The following OSBPL3 variants were observed in gnomAD, a reference collection of about 807,000 sequenced individuals.
OSBPL3 encodes oxysterol-binding protein-related protein 3.
Under a neutral mutation model 120.1 loss-of-function variants are expected in OSBPL3, and 65 were observed. The observed-to-expected ratio is 0.54, with a 90% CI of 0.44 to 0.67. OSBPL3 has a LOEUF of 0.67. Among genes scored for constraint, OSBPL3 ranks in the 30% least tolerant of loss-of-function variants. The pLI is 0.00. For synonymous variants in OSBPL3, 416 were observed against 402.6 expected (o/e 1.03, Z -0.40); for missense variants, 1,004 against 1,082.1 (o/e 0.93, Z 1.01).
rs1008789860 is a variant in OSBPL3, at chr7:24,916,855, G to A, written c.-149-24234C>T. On this transcript the variant is annotated intron_variant, in intron 1 of 22. Coordinates refer to ENST00000313367, the MANE Select transcript of OSBPL3 (RefSeq NM_015550.4). This position sits in a 1 kb window ranked among gnomAD's most constrained non-coding sequence, Gnocchi z 4.9. ...GCTGTGCTGCTGTTACACCACAATGGTGACATATACCAACACACACAAACC... is the reference window on the plus strand; with the variant it reads ...GCTGTGCTGCTGTTACACCACAATGATGACATATACCAACACACACAAACC... 1.1e-4 allele frequency among the ~76,000 whole-genome samples: 16 copies of A among 151,882 alleles called. No homozygotes were observed. The highest frequency in any genetic ancestry group is 1.9e-4 in the Non-Finnish European group (13 of 68,004).
chr7:24,965,887 T>C lies in OSBPL3; in HGVS notation c.-150+13999A>G, dbSNP rs1317958480. On this transcript the variant is annotated intron_variant, in intron 1 of 22. Coordinates refer to ENST00000313367, the MANE Select transcript of OSBPL3 (RefSeq NM_015550.4). This position sits in a 1 kb window ranked among gnomAD's most constrained non-coding sequence, Gnocchi z 4.3. ...TTTTACCAGTCCCTCCAGGACACTC[T>C]GACACTGCTGAGGTTTAGAACCACT... 1.3e-5 allele frequency among the ~76,000 whole-genome samples: 2 copies of C among 152,178 alleles called. No individual in the cohort carries two copies. Among genetic ancestry groups the C allele is most frequent in the African/African-American group, 4.8e-5 (2 of 41,446 alleles).
rs543511591 is a variant in OSBPL3 at position 24,972,130 on chromosome 7, C to T, written c.-150+7756G>A. Among the ~76,000 whole-genome samples the T allele has an allele frequency of 1.3e-5, 2 of 152,308 alleles. No individual in the cohort carries two copies. Among genetic ancestry groups the T allele is most frequent in the Admixed American group, 1.3e-4 (2 of 15,288 alleles). ...CAGGTTGCTAGATATCATTGCGTTT[C>T]TGCTATAAAGGTGTTAAAAACTCAA... is the stretch of plus-strand genomic sequence containing the variant. On this transcript the variant is annotated intron_variant, in intron 1 of 22. Transcript: ENST00000313367. The surrounding 1 kb of genome is among the most constrained non-coding windows in gnomAD (Gnocchi z 4.3).
chr7:24,904,147 T>C (rs183395395), intron 1 of OSBPL3, among the ~76,000 whole-genome samples: 2 of 152,056 alleles, frequency 1.3e-5, no homozygotes, highest in Non-Finnish European at 2.9e-5. Flanking sequence ...CCTCCCAGAG[T>C]GCTGGGATTA....
At position 24,862,469 on chromosome 7, in the gene OSBPL3, C is replaced by T. The variant is rs1182409399; in HGVS notation, c.871-700G>A. On this transcript the variant is annotated intron_variant, in intron 9 of 22. Transcript: ENST00000313367. The surrounding 1 kb of genome is among the most constrained non-coding windows in gnomAD (Gnocchi z 4.4). ...CTTTTCTTTGCACCTAGGGCTTCTA[C>T]AAAACAAATGACCTTCATTTGTACA... Among the ~76,000 whole-genome samples, 2 of 152,166 alleles carry T rather than the reference C, an allele frequency of 1.3e-5. No individual in the cohort carries two copies. The highest frequency in any genetic ancestry group is 2.9e-5 in the Non-Finnish European group (2 of 68,010).
Position 24,946,248 on chromosome 7 carries a change from G to A in OSBPL3, c.-150+33638C>T, listed in dbSNP as rs946274082. On this transcript the variant is annotated intron_variant, in intron 1 of 22. Coordinates refer to ENST00000313367, the MANE Select transcript of OSBPL3 (RefSeq NM_015550.4). The surrounding 1 kb of genome is among the most constrained non-coding windows in gnomAD (Gnocchi z 4.3). The stretch of plus-strand genomic sequence containing the variant: ...TTCTACTTGGCAGTTAGCATGGTCA[G>A]AGCTAATGTCCCAAGAGAAGTAAGC... 1.3e-5 allele frequency among the ~76,000 whole-genome samples: 2 copies of A among 152,198 alleles called. No individual in the cohort carries two copies. Among genetic ancestry groups the A allele is most frequent in the African/African-American group, 2.4e-5 (1 of 41,452 alleles).
intron 1 of OSBPL3, among the ~76,000 whole-genome samples, chr7:24,897,117 G>A (rs993650712): frequency 1.3e-4 from 20 of 151,884 alleles, no homozygotes; most frequent in Non-Finnish European, 2.4e-4. Context: ...AGGCAGGCAG[G>A]CAGGCAAGAA....
Position 24,922,980 on chromosome 7 carries a change from A to C in OSBPL3, c.-149-30359T>G, listed in dbSNP as rs958503175. Among the ~76,000 whole-genome samples, 1 of 152,230 alleles carries C rather than the reference A, an allele frequency of 6.6e-6. No homozygotes were observed. Among genetic ancestry groups the C allele is most frequent in the Non-Finnish European group, 1.5e-5 (1 of 68,040 alleles). On this transcript the variant is annotated intron_variant, in intron 1 of 22. Coordinates refer to ENST00000313367, the MANE Select transcript of OSBPL3 (RefSeq NM_015550.4). This position sits in a 1 kb window ranked among gnomAD's most constrained non-coding sequence, Gnocchi z 4.3. ...AAGGAAAAGAATAAGAAAAAGAAAA[A>C]AACATATAAACATGACCATCAGAGA...
chr7:24,957,767 T>TA (rs1332110808), intron 1 of OSBPL3, among the ~76,000 whole-genome samples: 2 of 152,124 alleles, frequency 1.3e-5, no homozygotes, highest in African/African-American at 2.4e-5. Context: ...CAATAAAACC[T>TA]AAAAAACAGA....
At chr7:24,979,381 C>A (rs568687060) in intron 1 of OSBPL3, among the ~76,000 whole-genome samples, 208 of 152,232 alleles carry the variant, frequency 1.4e-3, no homozygotes, top group African/African-American at 3.8e-3. Flanking sequence ...AGCCCAGCAC[C>A]GGGGAGCTGA....
At position 24,894,720 on chromosome 7, in the gene OSBPL3, G is replaced by A. The variant is rs1220232679; in HGVS notation, c.-149-2099C>T. 6.6e-6 allele frequency among the ~76,000 whole-genome samples: 1 copy of A among 152,210 alleles called. No individual in the cohort carries two copies. Among genetic ancestry groups the A allele is most frequent in the African/African-American group, 2.4e-5 (1 of 41,456 alleles). The stretch of plus-strand genomic sequence containing the variant: ...ACGAGAGTCTACAAGAGTCTGGGAT[G>A]AGAGGGGTGTGTGTGCAATGTAAAG... On this transcript the variant is annotated intron_variant, in intron 1 of 22. Transcript: ENST00000313367. This position sits in a 1 kb window ranked among gnomAD's most constrained non-coding sequence, Gnocchi z 4.1.
intron 22 of OSBPL3, among the ~76,000 whole-genome samples, chr7:24,800,845 T>C (rs796177217): frequency 6.6e-6 from 1 of 152,040 alleles, no homozygotes; most frequent in African/African-American, 2.4e-5. Context: ...GAGTCTGTCA[T>C]ATACAAAACA....
In OSBPL3 at chr7:24,830,986, C is replaced by T; in HGVS notation, c.1747-81G>A. On this transcript the variant is annotated intron_variant, in intron 15 of 22. Coordinates refer to ENST00000313367, the MANE Select transcript of OSBPL3 (RefSeq NM_015550.4). The surrounding 1 kb of genome is among the most constrained non-coding windows in gnomAD (Gnocchi z 4.4). Reference sequence around the variant, plus strand: ...TCACAAAGAACTAAACAAAATAAAACCTCTATGATTTTCTTTCAGAAAGCC... The same window carrying T: ...TCACAAAGAACTAAACAAAATAAAATCTCTATGATTTTCTTTCAGAAAGCC... 1.5e-6 allele frequency: 2 copies of T among 1,343,246 alleles called. No individual in the cohort carries two copies. The highest frequency in any genetic ancestry group is 2.0e-6 in the Non-Finnish European group (2 of 1,011,198). The allele number at this position is 1,343,246 out of a possible 1,614,324, so 83.2% of individuals were successfully genotyped here.
chr7:24,861,801 TCAGATG>T (rs1471472429), intron 9 of OSBPL3, 32 bp from the exon 10 acceptor site: 19 of 1,490,174 alleles, frequency 1.3e-5, no homozygotes, highest in Non-Finnish European at 1.7e-5. Flanking sequence ...ATATTTCTTT[TCAGATG>T]CAGATTGCTT....
At chr7:24,880,499 T>C (rs1397404964) in intron 2 of OSBPL3, among the ~76,000 whole-genome samples, 6 of 152,126 alleles carry the variant, frequency 3.9e-5, no homozygotes, top group Non-Finnish European at 7.4e-5. Context: ...TGTGGCTTAG[T>C]CAATAAAGAC....
intron 1 of OSBPL3, among the ~76,000 whole-genome samples, chr7:24,908,350 G>A (rs1383655726): frequency 6.6e-6 from 1 of 152,170 alleles, no homozygotes; most frequent in African/African-American, 2.4e-5. Flanking sequence ...TCCAGTGGGT[G>A]ATTATCTGAT....
In OSBPL3 at chr7:24,808,057, T is replaced by C. The variant is rs1224662415; in HGVS notation, c.2318-1155A>G. 6.6e-6 allele frequency among the ~76,000 whole-genome samples: 1 copy of C among 152,112 alleles called. No homozygotes were observed. The highest frequency in any genetic ancestry group is 1.5e-5 in the Non-Finnish European group (1 of 68,026). On this transcript the variant is annotated intron_variant, in intron 20 of 22. Coordinates refer to ENST00000313367, the MANE Select transcript of OSBPL3 (RefSeq NM_015550.4). This position sits in a 1 kb window ranked among gnomAD's most constrained non-coding sequence, Gnocchi z 4.6. Reference sequence around the variant, plus strand: ...GGACTACAGTAGATGCACACCACCATGCCTGGCTAATCTTTGTATTTTTAG... The same window carrying C: ...GGACTACAGTAGATGCACACCACCACGCCTGGCTAATCTTTGTATTTTTAG...
In OSBPL3 at chr7:24,852,905, G is replaced by A. The variant is rs1345415099; in HGVS notation, c.1028-271C>T. On this transcript the variant is annotated intron_variant, in intron 10 of 22. Transcript: ENST00000313367. This position sits in a 1 kb window ranked among gnomAD's most constrained non-coding sequence, Gnocchi z 4.1. ...ACTCTGGTGTGGGATGCTGATGGCG[G>A]GGGGACGGTGCCTACATGGGAGCAG... Among the ~76,000 whole-genome samples, 5 of 152,084 alleles carry A rather than the reference G, an allele frequency of 3.3e-5. No homozygotes were observed. The highest frequency in any genetic ancestry group is 6.5e-5 in the Admixed American group (1 of 15,276).
intron 1 of OSBPL3, among the ~76,000 whole-genome samples, chr7:24,902,063 G>C (rs547076739): frequency 7.1e-4 from 108 of 152,298 alleles, no homozygotes; most frequent in Admixed American, 2.0e-3. Flanking sequence ...AGTCTCTCTA[G>C]ATCTCAATTT....
intron 1 of OSBPL3, among the ~76,000 whole-genome samples, chr7:24,928,273 A>G (rs1395758010): frequency 5.5e-5 from 8 of 146,238 alleles, no homozygotes; most frequent in Non-Finnish European, 7.5e-5. Flanking sequence ...CTCACTGCAA[A>G]CTCCGCCTCC....
Sources: allele counts gnomAD v4.1 joint callset (sites outside exome capture counted in the v4.1 genomes callset), GRCh38; gene constraint gnomAD v4.1.1; non-coding constraint Gnocchi (gnomAD v3.1); transcripts MANE v1.5; gene names NCBI Gene and HGNC (gene_info 2026-07-23, HGNC 2026-07-21).